The following PCSK5 variants were observed in gnomAD, a reference collection of about 807,000 sequenced individuals.
PCSK5 encodes the protein prohormone convertase 5.
Under a neutral mutation model 233.2 loss-of-function variants are expected in PCSK5, and 129 were observed. The observed-to-expected ratio is 0.55, with a 90% CI of 0.48 to 0.64. PCSK5 has a LOEUF of 0.64. Among genes scored for constraint, PCSK5 ranks in the 30% least tolerant of loss-of-function variants. The probability of loss-of-function intolerance (pLI) is 0.00; values close to 1 mark genes in which losing one functional copy is unlikely to be tolerated. For missense variants in PCSK5, 2,076 were observed against 2,430.1 expected (o/e 0.85, Z 3.06); for synonymous variants, 825 against 879.2 (o/e 0.94, Z 1.09).
chr9:75,979,242 G>A (rs891017355), intron 2 of PCSK5, among the ~76,000 whole-genome samples: 1 of 151,930 alleles, frequency 6.6e-6, no homozygotes, highest in African/African-American at 2.4e-5. Flanking sequence ...TAATTGAAAA[G>A]ACAGATGTTC....
At position 75,920,304 on chromosome 9, in the gene PCSK5, T is replaced by C. The variant is rs372071996; in HGVS notation, c.193-12075T>C. ...ATCACATGTTTTTTGCTTTGGTTTG[T>C]TTTTTAAGAGGTGGGGGTCTCTATC... On this transcript the variant is annotated intron_variant, in intron 1 of 37. Coordinates refer to ENST00000674117, the MANE Select transcript of PCSK5 (RefSeq NM_001372043.1). 5.9e-5 allele frequency among the ~76,000 whole-genome samples: 9 copies of C among 152,288 alleles called. 1 individual carries two copies. The Middle Eastern group carries it at 0.01, about 173-fold the overall frequency.
chr9:76,268,897 G>A (rs543172436), intron 24 of PCSK5, among the ~76,000 whole-genome samples: 91 of 152,292 alleles, frequency 6.0e-4, no homozygotes, highest in Non-Finnish European at 1.0e-3. Context: ...CCAGGCTAGT[G>A]ATCAGTAAAA....
Position 75,934,175 on chromosome 9 carries a change from A to G in PCSK5, c.297+1692A>G, listed in dbSNP as rs905801982. On this transcript the variant is annotated intron_variant, in intron 2 of 37. Transcript: ENST00000674117. ...TATTTCAGGAGAGTGGGGCCATTGCAGGCCAGCCCAAGGGTACATGCTGCA... is the reference window on the plus strand; with the variant it reads ...TATTTCAGGAGAGTGGGGCCATTGCGGGCCAGCCCAAGGGTACATGCTGCA... Among the ~76,000 whole-genome samples, 10 of 142,556 alleles carry G rather than the reference A, an allele frequency of 7.0e-5. No homozygotes were observed. The East Asian group carries it at 2.4e-3, about 35-fold the overall frequency. The allele number at this position is 142,556 out of a possible 152,430, so 93.5% of individuals were successfully genotyped here.
intron 1 of PCSK5, among the ~76,000 whole-genome samples, chr9:75,913,999 G>A (rs1822870628): frequency 6.6e-6 from 1 of 152,070 alleles, no homozygotes; most frequent in Non-Finnish European, 1.5e-5. Context: ...ATGTATACAG[G>A]TCTTATTTAT....
At chr9:75,899,236 A>G (rs1237702917) in intron 1 of PCSK5, among the ~76,000 whole-genome samples, 1 of 152,172 alleles carries the variant, frequency 6.6e-6, no homozygotes, top group Non-Finnish European at 1.5e-5. Context: ...TCATTTTGAG[A>G]ACAAAAGAAT....
chr9:76,213,912 C>T (rs1825421255), intron 20 of PCSK5, among the ~76,000 whole-genome samples: 1 of 152,130 alleles, frequency 6.6e-6, no homozygotes, highest in Admixed American at 6.5e-5. Flanking sequence ...CCACATCCTC[C>T]ATTCTTTCAT....
At chr9:76,231,170 G>T (rs1377011410) in intron 21 of PCSK5, among the ~76,000 whole-genome samples, 3 of 152,142 alleles carry the variant, frequency 2.0e-5, no homozygotes, top group Admixed American at 6.6e-5. Flanking sequence ...GGGGAGGAAA[G>T]GCTCCTTCTT....
intron 2 of PCSK5, among the ~76,000 whole-genome samples, chr9:75,982,259 A>C (rs1017155661): frequency 2.0e-5 from 3 of 152,168 alleles, no homozygotes; most frequent in Non-Finnish European, 1.5e-5. Flanking sequence ...GTTGTTTACA[A>C]TTTTTAGTTC....
chr9:76,351,104 C>A (rs916673636), intron 36 of PCSK5, among the ~76,000 whole-genome samples, 176 bp downstream of exon 36: 1 of 152,072 alleles, frequency 6.6e-6, no homozygotes, highest in Non-Finnish European at 1.5e-5. Flanking sequence ...TGGTGCTACC[C>A]ACCTGTAGCC....
intron 31 of PCSK5, 97 bp downstream of exon 31, chr9:76,321,736 G>T: frequency 1.4e-6 from 1 of 710,710 alleles, no homozygotes; most frequent in Non-Finnish European, 2.4e-6. Context: ...GTGGGAACCA[G>T]TCTCCCTACC....
At chr9:75,918,438 G>A (rs4552980) in intron 1 of PCSK5, among the ~76,000 whole-genome samples, 108,792 of 152,182 alleles carry the variant, frequency 0.71, 40,210 homozygotes, top group African/African-American at 0.85. Context: ...TGCTGGTCCA[G>A]TGCTTCTGGC....
intron 33 of PCSK5, 78 bp downstream of exon 33, chr9:76,328,317 A>C: frequency 4.0e-6 from 4 of 991,548 alleles, no homozygotes; most frequent in Non-Finnish European, 6.3e-6. Context: ...TGTCCAGTAG[A>C]TACTGGCTTC....
intron 8 of PCSK5, among the ~76,000 whole-genome samples, chr9:76,103,427 TG>T: frequency 6.6e-6 from 1 of 152,154 alleles, no homozygotes; most frequent in East Asian, 1.9e-4. Flanking sequence ...CTCTTGACTG[TG>T]GGGTTGCTAT....
chr9:76,145,447 T>C (rs1329191981), intron 10 of PCSK5, among the ~76,000 whole-genome samples: 1 of 152,174 alleles, frequency 6.6e-6, no homozygotes, highest in Non-Finnish European at 1.5e-5. Flanking sequence ...ATGATTATCG[T>C]CAACCTGTCT....
intron 2 of PCSK5, among the ~76,000 whole-genome samples, chr9:75,932,843 G>T (rs1249957340): frequency 1.3e-5 from 2 of 152,146 alleles, no homozygotes; most frequent in Non-Finnish European, 2.9e-5. Flanking sequence ...GGTTGTATGA[G>T]CTCCACAAAA....
At chr9:76,345,954 A>C (rs1419871985) in intron 35 of PCSK5, among the ~76,000 whole-genome samples, 1 of 151,764 alleles carries the variant, frequency 6.6e-6, no homozygotes, top group African/African-American at 2.4e-5. Context: ...TCCTGGTCTC[A>C]AGTGATCAGT....
At chr9:75,934,575 GT>G (rs796377889) in intron 2 of PCSK5, among the ~76,000 whole-genome samples, 9 of 140,304 alleles carry the variant, frequency 6.4e-5, no homozygotes, top group East Asian at 2.2e-4. Flanking sequence ...AAGTTTTTTT[GT>G]TTTTTTTTTT....
intron 5 of PCSK5, among the ~76,000 whole-genome samples, chr9:76,060,671 G>A (rs916497193): frequency 6.6e-6 from 1 of 152,132 alleles, no homozygotes; most frequent in Non-Finnish European, 1.5e-5. Context: ...GCTTGTACAT[G>A]GGTATAAGAG....
chr9:76,022,716 T>G (rs537566309), intron 3 of PCSK5, among the ~76,000 whole-genome samples: 4 of 152,218 alleles, frequency 2.6e-5, no homozygotes, highest in Non-Finnish European at 5.9e-5. Context: ...TTGTAGCCAT[T>G]GCAGAATGAA....
Sources: allele counts gnomAD v4.1 joint callset (sites outside exome capture counted in the v4.1 genomes callset), GRCh38; gene constraint gnomAD v4.1.1; transcripts MANE v1.5; gene names NCBI Gene and HGNC (gene_info 2026-07-23, HGNC 2026-07-21).